KHDRBS3: variants seen among roughly 807,000 people sequenced by gnomAD.
KHDRBS3 encodes the protein KH domain-containing, RNA-binding, signal transduction-associated protein 3.
A neutral mutation model predicts 45.6 loss-of-function variants in KHDRBS3; 23 were observed. That is an observed-to-expected ratio of 0.50 (90% CI 0.36 to 0.72). KHDRBS3 has a LOEUF of 0.72. KHDRBS3 is among the 30% of genes least tolerant of loss of function. The probability of loss-of-function intolerance (pLI) is 0.00; values close to 1 mark genes in which losing one functional copy is unlikely to be tolerated. For missense variants in KHDRBS3, 352 were observed against 424.8 expected, an observed-to-expected ratio of 0.83 and a Z score of 1.51; for synonymous variants, 162 against 156.5, an observed-to-expected ratio of 1.04 and a Z score of -0.26.
At chr8:135,644,968 G>A in intron 7 of KHDRBS3, 91 bp from the exon 8 acceptor site, 1 of 1,346,414 alleles carries the variant, frequency 7.4e-7, no homozygotes, top group Non-Finnish European at 1.0e-6. Context: ...CCCTTCATTA[G>A]TTGTCTTTAA....
At chr8:135,528,187 G>A (rs1262970751) in intron 2 of KHDRBS3, among the ~76,000 whole-genome samples, 1 of 152,118 alleles carries the variant, frequency 6.6e-6, no homozygotes, top group Admixed American at 6.5e-5. Context: ...AGTTTTTCTA[G>A]AATCTGAATG....
downstream of KHDRBS3, among the ~76,000 whole-genome samples, chr8:135,650,638 G>T (rs1831410396): frequency 2.6e-5 from 4 of 152,172 alleles, no homozygotes; most frequent in Admixed American, 6.5e-5. Context: ...CAGAGTCTTT[G>T]ATCTTAACCA....
At chr8:135,592,728 T>C (rs1355683405) in intron 6 of KHDRBS3, among the ~76,000 whole-genome samples, 1 of 143,946 alleles carries the variant, frequency 6.9e-6, no homozygotes, top group Admixed American at 7.2e-5. Context: ...ACCCAGGGAA[T>C]TAGTAAATCT....
chr8:135,578,746 TA>T (rs1388439234), intron 5 of KHDRBS3, among the ~76,000 whole-genome samples: 2 of 152,222 alleles, frequency 1.3e-5, no homozygotes, highest in African/African-American at 2.4e-5. Context: ...TGTCAATGTC[TA>T]AAAATATATC....
chr8:135,537,234 C>T (rs1251645982), intron 2 of KHDRBS3, among the ~76,000 whole-genome samples: 1 of 152,072 alleles, frequency 6.6e-6, no homozygotes, highest in African/African-American at 2.4e-5. Flanking sequence ...GGCGGAGTTT[C>T]CAAGTTCAGT....
intron 7 of KHDRBS3, among the ~76,000 whole-genome samples, 159 bp downstream of exon 7, chr8:135,607,196 A>C (rs1829504120): frequency 6.6e-6 from 1 of 152,230 alleles, no homozygotes; most frequent in African/African-American, 2.4e-5. Context: ...TCTAGCAACC[A>C]GCATGTATTA....
At chr8:135,552,547 T>C (rs1278629726) in intron 4 of KHDRBS3, among the ~76,000 whole-genome samples, 1 of 152,204 alleles carries the variant, frequency 6.6e-6, no homozygotes, top group East Asian at 1.9e-4. Context: ...CTTTGCATGT[T>C]TCTTAATTTT....
At chr8:135,591,283 A>G (rs1828731262) in intron 6 of KHDRBS3, among the ~76,000 whole-genome samples, 1 of 152,258 alleles carries the variant, frequency 6.6e-6, no homozygotes, top group South Asian at 2.1e-4. Flanking sequence ...CTCTTTGGAC[A>G]TAAAAGTTAT....
At chr8:135,516,530 T>C (rs1162649759) in intron 1 of KHDRBS3, among the ~76,000 whole-genome samples, 1 of 151,550 alleles carries the variant, frequency 6.6e-6, no homozygotes, top group African/African-American at 2.4e-5. Flanking sequence ...AATAGGGAGA[T>C]GTTTTCTGTG....
At chr8:135,636,809 C>T (rs1228906729) in intron 7 of KHDRBS3, among the ~76,000 whole-genome samples, 1 of 152,218 alleles carries the variant, frequency 6.6e-6, no homozygotes, top group African/African-American at 2.4e-5. Flanking sequence ...TGAGCTTCTG[C>T]CTTACTCATC....
intron 1 of KHDRBS3, among the ~76,000 whole-genome samples, chr8:135,516,570 T>TTTTG (rs150491872): frequency 1.3e-5 from 2 of 149,032 alleles, no homozygotes; most frequent in Non-Finnish European, 3.0e-5. Context: ...GTTTCTTACA[T>TTTTG]TGTGTGTGTG....
intron 1 of KHDRBS3, among the ~76,000 whole-genome samples, chr8:135,478,749 A>G (rs1002845932): frequency 2.0e-5 from 3 of 152,260 alleles, no homozygotes; most frequent in African/African-American, 7.2e-5. Context: ...AGAACTCATA[A>G]GTGAAATTAG....
intron 1 of KHDRBS3, among the ~76,000 whole-genome samples, chr8:135,473,643 GGCTGCCTTTCTCTTGGGTT>G (rs1192951575): frequency 6.6e-6 from 1 of 152,142 alleles, no homozygotes; most frequent in Non-Finnish European, 1.5e-5. Flanking sequence ...GTCTGCTTCA[GGCTGCCTTTCTCTTGGGTT>G]GCACCTCAGT....
At chr8:135,599,103 C>A (rs1829094952) in intron 6 of KHDRBS3, among the ~76,000 whole-genome samples, 1 of 152,112 alleles carries the variant, frequency 6.6e-6, no homozygotes, top group Middle Eastern at 3.2e-3. Context: ...GTTGTTTGGC[C>A]ACGTGTCGGT....
intron 2 of KHDRBS3, among the ~76,000 whole-genome samples, chr8:135,536,891 C>T (rs1326748603): frequency 2.9e-5 from 4 of 135,930 alleles, no homozygotes; most frequent in South Asian, 2.5e-4. Context: ...ACCCGGGAAG[C>T]GGAGCTTGCA....
At chr8:135,619,591 G>C (rs1483210537) in intron 7 of KHDRBS3, among the ~76,000 whole-genome samples, 1 of 152,230 alleles carries the variant, frequency 6.6e-6, no homozygotes, top group Non-Finnish European at 1.5e-5. Flanking sequence ...TGGGGTTGTT[G>C]TAAAGTTAAG....
intron 7 of KHDRBS3, among the ~76,000 whole-genome samples, chr8:135,637,539 G>T (rs1830865602): frequency 6.6e-6 from 1 of 152,086 alleles, no homozygotes; most frequent in African/African-American, 2.4e-5. Flanking sequence ...AAAAATTTTT[G>T]CATTAAATTT....
intron 7 of KHDRBS3, among the ~76,000 whole-genome samples, chr8:135,641,941 A>G (rs528194475): frequency 1.3e-5 from 2 of 152,300 alleles, no homozygotes; most frequent in Admixed American, 1.3e-4. Context: ...ATGAAAATTG[A>G]TCTGCTCTCT....
intron 1 of KHDRBS3, among the ~76,000 whole-genome samples, chr8:135,470,306 G>GT (rs111846180): frequency 0.031 from 4,731 of 150,290 alleles, 98 homozygotes; most frequent in Middle Eastern, 0.055. Context: ...AAGTTTTACT[G>GT]GTTTTTTTTT....
Sources: allele counts gnomAD v4.1 joint callset (sites outside exome capture counted in the v4.1 genomes callset), GRCh38; gene constraint gnomAD v4.1.1; transcripts MANE v1.5; gene names NCBI Gene and HGNC (gene_info 2026-07-23, HGNC 2026-07-21).